The following EDEM3 variants were observed in gnomAD, a reference collection of about 807,000 sequenced individuals.
EDEM3 encodes ER degradation enhancing alpha-mannosidase like protein 3, also known as ER degradation-enhancing alpha-mannosidase-like protein 3.
Under a neutral mutation model 110.2 loss-of-function variants are expected in EDEM3, and 60 were observed. That is an observed-to-expected ratio of 0.54 (90% CI 0.44 to 0.67). EDEM3 has a LOEUF of 0.67. EDEM3 is among the 30% of genes least tolerant of loss of function. The pLI is 0.00. For missense variants in EDEM3, 996 were observed against 1,121.0 expected, an observed-to-expected ratio of 0.89 and a Z score of 1.59; for synonymous variants, 352 against 382.9, an observed-to-expected ratio of 0.92 and a Z score of 0.94.
At chr1:184,747,162 G>A (rs924981791) in intron 2 of EDEM3, among the ~76,000 whole-genome samples, 8 of 150,788 alleles carry the variant, frequency 5.3e-5, no homozygotes, top group African/African-American at 2.0e-4. Flanking sequence ...ATTGGTTCCT[G>A]TTCTTTAAAA....
chr1:184,733,131 T>C (rs1229769290), intron 5 of EDEM3, 141 bp from the exon 6 acceptor site: 5 of 770,190 alleles, frequency 6.5e-6, no homozygotes, highest in African/African-American at 3.6e-5. Flanking sequence ...TACTTAACAC[T>C]GCTCATTTTA....
chr1:184,737,809 G>T, intron 2 of EDEM3, 98 bp from the exon 3 acceptor site: 2 of 992,636 alleles, frequency 2.0e-6, no homozygotes, highest in South Asian at 1.9e-5. Flanking sequence ...TAAAATAATA[G>T]TCAAAAGTTG....
In EDEM3 at chr1:184,716,906, G is replaced by A. The variant is rs916992018; in HGVS notation, c.1352C>T (p.Thr451Ile). ...GTTTTACCTGTCCTCATGACTTCCAGTACGAACATCCTTCATGGCAGCAAA... is the reference window on the plus strand; with the variant it reads ...GTTTTACCTGTCCTCATGACTTCCAATACGAACATCCTTCATGGCAGCAAA... ...CGFAAMKDVR[T>I]GSHEDRMDSF... Residue 451 changes from threonine (T) to isoleucine (I), a missense_variant, in exon 13 of 20, where the codon ACT becomes ATT. Thr to Ile is a moderately conservative substitution (Grantham distance 89). Transcript: ENST00000318130. The A allele has an allele frequency of 1.5e-5, 25 of 1,613,176 alleles. No individual in the cohort carries two copies. The highest frequency in any genetic ancestry group is 2.0e-5 in the Non-Finnish European group (23 of 1,179,408).
Position 184,733,025 on chromosome 1 carries a change from T to C in EDEM3, c.459-35A>G, listed in dbSNP as rs113073227. 15 of 1,584,818 alleles carry C rather than the reference T, an allele frequency of 9.5e-6. No homozygotes were observed. In the African/African-American group the frequency reaches 1.6e-4, roughly 17 times the overall value. ...CAGAGATGAAACATTATCCATATCTTATAGACAATTAAAAGTTACCATCTA... is the reference window on the plus strand; with the variant it reads ...CAGAGATGAAACATTATCCATATCTCATAGACAATTAAAAGTTACCATCTA... On this transcript the variant is annotated intron_variant, in intron 5 of 19. Coordinates refer to ENST00000318130, the MANE Select transcript of EDEM3 (RefSeq NM_025191.4).
chr1:184,749,001 TCC>T (rs1652600851), intron 2 of EDEM3, among the ~76,000 whole-genome samples: 1 of 152,224 alleles, frequency 6.6e-6, no homozygotes, highest in South Asian at 2.1e-4. Flanking sequence ...ACAACAGATC[TCC>T]AGAACTTTTC....
At position 184,712,510 on chromosome 1, in the gene EDEM3, A is replaced by G; in HGVS notation, c.1459T>C (p.Tyr487His). ...AGATGAGCTTCTGTTGTAAAGATGT[A>G]ATCTTCTATGTCAAAAATAATGTCT... is the stretch of plus-strand genomic sequence containing the variant. ...KEDIIFDIEDYIFTTEAHLLP... is the reference protein window; with the variant it reads ...KEDIIFDIEDHIFTTEAHLLP... The change falls in exon 14 of 20, where the codon TAC becomes CAC. Residue 487 changes from tyrosine to histidine, a missense_variant. Physicochemically the swap from Tyr to His is moderately conservative, Grantham distance 83. Transcript: ENST00000318130. 2 of 1,605,134 alleles carry G rather than the reference A, an allele frequency of 1.2e-6. No individual in the cohort carries two copies. Among genetic ancestry groups the G allele is most frequent in the Non-Finnish European group, 1.7e-6 (2 of 1,175,690 alleles).
intron 19 of EDEM3, among the ~76,000 whole-genome samples, chr1:184,697,047 T>C (rs1649368901): frequency 2.0e-5 from 3 of 151,766 alleles, no homozygotes; most frequent in Admixed American, 6.6e-5. Context: ...TTAGAATTGA[T>C]AAAAAAAATT....
At chr1:184,710,242 A>C in intron 16 of EDEM3, 152 bp downstream of exon 16, 1 of 887,142 alleles carries the variant, frequency 1.1e-6, no homozygotes, top group Non-Finnish European at 1.6e-6. Context: ...GTGACTTTCC[A>C]AGATACTTCC....
chr1:184,751,435 C>G (rs1434298887), intron 1 of EDEM3, among the ~76,000 whole-genome samples: 2 of 152,068 alleles, frequency 1.3e-5, no homozygotes, highest in Non-Finnish European at 2.9e-5. Context: ...ACTTTACAAG[C>G]ATTCAATTTT....
intron 6 of EDEM3, among the ~76,000 whole-genome samples, chr1:184,727,462 T>A (rs1651252845): frequency 6.6e-6 from 1 of 152,090 alleles, no homozygotes; most frequent in Non-Finnish European, 1.5e-5. Flanking sequence ...ACGGGTATAC[T>A]CTTGGTTCAG....
chr1:184,749,703 CAAA>C, intron 1 of EDEM3, 111 bp from the exon 2 acceptor site: 4 of 891,500 alleles, frequency 4.5e-6, no homozygotes, highest in Non-Finnish European at 4.9e-6. Context: ...CCAATAAAAA[CAAA>C]AGAAAAATTT....
chr1:184,717,097 C>T lies in EDEM3; in HGVS notation c.1246-85G>A, dbSNP rs1297930112. On this transcript the variant is annotated intron_variant, in intron 12 of 19. Transcript: ENST00000318130. ...TCATTTACCAAATATTTATTGAGTA[C>T]CTACTAGGTGCCAGGCACTGTATCA... 4.3e-6 allele frequency: 5 copies of T among 1,149,558 alleles called. No homozygotes were observed. In the African/African-American group the frequency reaches 4.7e-5, roughly 11 times the overall value. The allele number at this position is 1,149,558 out of a possible 1,614,324, so 71.2% of individuals were successfully genotyped here.
chr1:184,753,153 GC>G lies in EDEM3; in HGVS notation c.158+1335del, dbSNP rs1464744120. On this transcript the variant is annotated intron_variant, in intron 1 of 19. Coordinates refer to ENST00000318130, the MANE Select transcript of EDEM3 (RefSeq NM_025191.4). ...ACCTGATGGTTCCACCACCCCTCCA[GC>G]CTAACCCCATGAGATAATCTTCGTT... 1.0e-3 allele frequency among the ~76,000 whole-genome samples: 152 copies of G among 151,822 alleles called. 1 individual carries two copies. Among genetic ancestry groups the G allele is most frequent in the African/African-American group, 3.5e-3 (147 of 41,422 alleles).
At chr1:184,748,497 CT>C (rs1652569334) in intron 2 of EDEM3, among the ~76,000 whole-genome samples, 1 of 151,186 alleles carries the variant, frequency 6.6e-6, no homozygotes, top group Non-Finnish European at 1.5e-5. Flanking sequence ...AAGGGAATGA[CT>C]GAGGTCTTGA....
intron 19 of EDEM3, among the ~76,000 whole-genome samples, chr1:184,696,202 T>C (rs190607424): frequency 5.1e-4 from 77 of 152,056 alleles, no homozygotes; most frequent in African/African-American, 1.7e-3. Flanking sequence ...TCTTCTGTTC[T>C]TCTGAGGACA....
chr1:184,694,154 C>A lies in EDEM3; in HGVS notation c.2708G>T (p.Trp903Leu), dbSNP rs141657255. The A allele has an allele frequency of 2.7e-4, 442 of 1,613,418 alleles. 1 individual carries two copies. In the African/African-American group the frequency reaches 5.1e-3, roughly 19 times the overall value. The change falls in exon 20 of 20, where the codon TGG becomes TTG. Residue 903 changes from tryptophan (W) to leucine (L), a missense_variant. Around this residue, in one of 5 missense-constraint regions of EDEM3, gnomAD observed 345 missense variants for 402.0 expected, o/e 0.86. Coordinates refer to ENST00000318130, the MANE Select transcript of EDEM3 (RefSeq NM_025191.4). ...TEEDSNPNVS[W>L]GKKVQPIDSI... ...GTCTATAGGCTGGACCTTTTTACCC[C>A]AGCTAACATTAGGATTGGAATCTTC...
chr1:184,740,723 G>A (rs1222732806), intron 2 of EDEM3, among the ~76,000 whole-genome samples: 1 of 152,198 alleles, frequency 6.6e-6, no homozygotes, highest in African/African-American at 2.4e-5. Flanking sequence ...GAACATAAAT[G>A]AGGTTATCAA....
chr1:184,749,666 A>G, intron 1 of EDEM3, 74 bp from the exon 2 acceptor site: 6 of 1,227,798 alleles, frequency 4.9e-6, no homozygotes, highest in Non-Finnish European at 6.7e-6. Flanking sequence ...TCTTTCAAAA[A>G]GTTAATTCTT....
chr1:184,717,038 A>AC, intron 12 of EDEM3, 26 bp from the exon 13 acceptor site: 1 of 1,529,302 alleles, frequency 6.5e-7, no homozygotes, highest in Non-Finnish European at 9.0e-7. Context: ...ATATATGTAT[A>AC]ATATATATAG....
Sources: allele counts gnomAD v4.1 joint callset (sites outside exome capture counted in the v4.1 genomes callset), GRCh38; gene constraint gnomAD v4.1.1; regional missense constraint gnomAD v4.1.1; transcripts MANE v1.5; gene names NCBI Gene and HGNC (gene_info 2026-07-23, HGNC 2026-07-21).